METTL2B: variants seen among roughly 807,000 people sequenced by gnomAD.
METTL2B encodes methyltransferase 2B, tRNA N3-cytidine.
METTL2B carries 28 observed loss-of-function variants against 51.0 expected under a neutral mutation model. The ratio of observed to expected loss-of-function variants is 0.55; its 90% confidence interval spans 0.41 to 0.75. The LOEUF (loss-of-function observed/expected upper bound fraction) is 0.75. Ranked by LOEUF, METTL2B falls within the 30% of genes least tolerant of loss-of-function variation. The probability of loss-of-function intolerance (pLI) is 0.00; values close to 1 mark genes in which losing one functional copy is unlikely to be tolerated. For synonymous variants in METTL2B, 128 were observed against 166.3 expected (o/e 0.77, Z 1.77); for missense variants, 313 against 460.7 (o/e 0.68, Z 2.93).
intron 7 of METTL2B, among the ~76,000 whole-genome samples, chr7:128,499,262 G>A (rs982341938): frequency 1.3e-5 from 2 of 152,096 alleles, no homozygotes; most frequent in African/African-American, 4.8e-5. Context: ...AACACTTCAA[G>A]GAAATAAAAA....
intron 7 of METTL2B, among the ~76,000 whole-genome samples, chr7:128,500,141 G>A (rs565974629): frequency 5.3e-4 from 81 of 152,298 alleles, no homozygotes; most frequent in South Asian, 1.7e-3. Flanking sequence ...TATGTGCCAG[G>A]CTGGTAAACT....
At chr7:128,484,224 T>TC (rs1792645228) in intron 4 of METTL2B, 1 of 83,388 alleles carries the variant, frequency 1.2e-5, no homozygotes, top group Non-Finnish European at 2.4e-5. Flanking sequence ...ATCCTTTTTT[T>TC]TTTTTTTTTT....
intron 1 of METTL2B, 60 bp from the exon 2 acceptor site, chr7:128,477,022 G>T: frequency 6.4e-7 from 1 of 1,570,474 alleles, no homozygotes; most frequent in Non-Finnish European, 8.7e-7. Flanking sequence ...CTAGGCCAGC[G>T]ACTCACCCTG....
Position 128,502,156 on chromosome 7 carries a change from G to A in METTL2B, c.*240G>A. The A allele has an allele frequency of 2.1e-6, 1 of 485,918 alleles. No homozygotes were observed. The highest frequency in any genetic ancestry group is 3.5e-6 in the Non-Finnish European group (1 of 286,646). 30.1% of individuals were successfully genotyped at this position (485,918 alleles called of 1,614,324 possible). On this transcript the variant is annotated 3_prime_UTR_variant, in exon 9 of 9. Transcript: ENST00000262432. Reference sequence around the variant, plus strand: ...GTCTCGTTGATGCTGGACAATTCAAGAATTCAGACTTGAACCTTAAACCTA... The same window carrying A: ...GTCTCGTTGATGCTGGACAATTCAAAAATTCAGACTTGAACCTTAAACCTA...
chr7:128,500,191 T>C (rs1209039758), intron 7 of METTL2B, among the ~76,000 whole-genome samples: 1 of 152,184 alleles, frequency 6.6e-6, no homozygotes, highest in Non-Finnish European at 1.5e-5. Flanking sequence ...AGGGAAAGCA[T>C]GTTCATGATC....
intron 4 of METTL2B, among the ~76,000 whole-genome samples, chr7:128,486,313 A>G (rs986039056): frequency 1.3e-5 from 2 of 151,680 alleles, no homozygotes; most frequent in African/African-American, 4.8e-5. Flanking sequence ...AGAAAAGCAC[A>G]AAGAGGCCAG....
Position 128,504,670 on chromosome 7 carries a change from T to TA in METTL2B, c.*2760dup, listed in dbSNP as rs1368327524. 5 of 147,932 alleles carry TA rather than the reference T, an allele frequency of 3.4e-5. No individual in the cohort carries two copies. Among genetic ancestry groups the TA allele is most frequent in the African/African-American group, 4.9e-5 (2 of 40,666 alleles). The allele number at this position is 147,932 out of a possible 1,614,324, so 9.2% of individuals were successfully genotyped here. A position where few individuals can be genotyped will look rare whatever the true frequency, so the allele number is the denominator to read the frequency against. On this transcript the variant is annotated 3_prime_UTR_variant, in exon 9 of 9. Transcript: ENST00000262432. ...ACGCCCGGCCAAGACCCTGACTTTT[T>TA]AAAAAATGTTAAACATAGGCCGGGT...
intron 5 of METTL2B, among the ~76,000 whole-genome samples, chr7:128,489,280 C>T (rs1419643625): frequency 6.6e-6 from 1 of 151,844 alleles, no homozygotes; most frequent in East Asian, 1.9e-4. Context: ...AAGAAAAATA[C>T]AAGAAATTAT....
rs1392422700 is a variant in METTL2B at position 128,500,972 on chromosome 7, T to G, written c.982+4T>G. The G allele has an allele frequency of 1.2e-6, 2 of 1,614,120 alleles. No individual in the cohort carries two copies. The highest frequency in any genetic ancestry group is 2.2e-5 in the South Asian group (2 of 91,070). ...AGAGTTTACTTCTTCACACAAGGTA[T>G]GAAACACTCATCTTTTTACGCTAAA... On this transcript the variant is annotated splice_donor_region_variant and intron_variant, in intron 8 of 8. Coordinates refer to ENST00000262432, the MANE Select transcript of METTL2B (RefSeq NM_018396.3).
At position 128,494,046 on chromosome 7, in the gene METTL2B, G is replaced by A. The variant is rs1792882629; in HGVS notation, c.809+103G>A. 47 of 1,400,702 alleles carry A rather than the reference G, an allele frequency of 3.4e-5. 1 individual carries two copies. The South Asian group carries it at 6.4e-4, about 19-fold the overall frequency. 86.8% of individuals were successfully genotyped at this position (1,400,702 alleles called of 1,614,324 possible). A position where few individuals can be genotyped will look rare whatever the true frequency, so the allele number is the denominator to read the frequency against. On this transcript the variant is annotated intron_variant, in intron 6 of 8. Coordinates refer to ENST00000262432, the MANE Select transcript of METTL2B (RefSeq NM_018396.3). The stretch of plus-strand genomic sequence containing the variant: ...TTGCTCCGTCAGCCCAGGCTGGAGT[G>A]CAGTGGCACGATCATGGCTCACTGC...
In METTL2B at chr7:128,476,894, C is replaced by T. The variant is rs759206118; in HGVS notation, c.110+19C>T. On this transcript the variant is annotated intron_variant, in intron 1 of 8. Transcript: ENST00000262432. ...ATGCCTGGTAATCACCCTGCCCCCT[C>T]GCCCGGCCTGTCGCTGGCCGTCTGT... 9.3e-6 allele frequency: 15 copies of T among 1,613,290 alleles called. No individual in the cohort carries two copies. Among genetic ancestry groups the T allele is most frequent in the Admixed American group, 1.7e-5 (1 of 59,930 alleles).
chr7:128,496,896 T>A (rs1303627437), intron 6 of METTL2B, among the ~76,000 whole-genome samples: 1 of 152,158 alleles, frequency 6.6e-6, no homozygotes, highest in East Asian at 1.9e-4. Flanking sequence ...TTCTCCTGCC[T>A]CAGCATCCCA....
intron 5 of METTL2B, among the ~76,000 whole-genome samples, chr7:128,493,198 G>T (rs1792865869): frequency 6.6e-6 from 1 of 151,440 alleles, no homozygotes; most frequent in Admixed American, 6.6e-5. Context: ...TGTCGTTTTT[G>T]CCATTACTTT....
rs3887310 is a variant in METTL2B at position 128,495,474 on chromosome 7, G to C, written c.809+1531G>C. ...TCTTTTTTTTATTTTTTTCTGAGAT[G>C]GAGTCTCACTCTGTTGCCCAGGCTG... On this transcript the variant is annotated intron_variant, in intron 6 of 8. Transcript: ENST00000262432. Among the ~76,000 whole-genome samples, 643 of 151,804 alleles carry C rather than the reference G, an allele frequency of 4.2e-3. 23 individuals carry two copies. The East Asian group carries it at 0.09, about 21-fold the overall frequency.
intron 6 of METTL2B, among the ~76,000 whole-genome samples, chr7:128,495,657 T>C (rs534986052): frequency 1.3e-5 from 2 of 152,270 alleles, no homozygotes; most frequent in East Asian, 3.9e-4. Context: ...TTCACCATGT[T>C]GGCCAGGCTG....
chr7:128,502,116 AAG>A lies in METTL2B; in HGVS notation c.*202_*203del. ...AATCTGAAAGTAATGATAAAATAAA[AAG>A]AATATAAATGAGGTCTCGTTGATGC... is the stretch of plus-strand genomic sequence containing the variant. On this transcript the variant is annotated 3_prime_UTR_variant, in exon 9 of 9. Transcript: ENST00000262432. The A allele has an allele frequency of 1.5e-6, 1 of 649,844 alleles. No homozygotes were observed. The highest frequency in any genetic ancestry group is 2.4e-6 in the Non-Finnish European group (1 of 410,528). The allele number at this position is 649,844 out of a possible 1,614,324, so 40.3% of individuals were successfully genotyped here. A position where few individuals can be genotyped will look rare whatever the true frequency, so the allele number is the denominator to read the frequency against.
rs1461057377 is a variant in METTL2B at position 128,501,784 on chromosome 7, C to A, written c.1005C>A (p.Thr335=). 6.2e-7 allele frequency: 1 copy of A among 1,614,070 alleles called. No homozygotes were observed. The highest frequency in any genetic ancestry group is 1.6e-4 in the Middle Eastern group (1 of 6,062). Residue 335 remains threonine (T), a synonymous_variant, in exon 9 of 9, where the codon ACC becomes ACA. Coordinates refer to ENST00000262432, the MANE Select transcript of METTL2B (RefSeq NM_018396.3). ...FTQEELDTLF[T]TAGLEKVQNL... is the part of the protein sequence containing the mutation. Reference sequence around the variant, plus strand: ...TAGAGGAACTGGACACGCTTTTCACCACTGCTGGACTGGAAAAAGTTCAGA... The same window carrying A: ...TAGAGGAACTGGACACGCTTTTCACAACTGCTGGACTGGAAAAAGTTCAGA...
intron 2 of METTL2B, 84 bp from the exon 3 acceptor site, chr7:128,479,073 AT>A: frequency 7.3e-7 from 1 of 1,369,192 alleles, no homozygotes; most frequent in Non-Finnish European, 9.9e-7. Context: ...TTAAAGTGAC[AT>A]TTGGTAAAGC....
At position 128,476,786 on chromosome 7, in the gene METTL2B, A is replaced by C; in HGVS notation, c.21A>C (p.Glu7Asp). 1 of 1,614,136 alleles carries C rather than the reference A, an allele frequency of 6.2e-7. No individual in the cohort carries two copies. Among genetic ancestry groups the C allele is most frequent in the Non-Finnish European group, 8.5e-7 (1 of 1,180,008 alleles). The change falls in exon 1 of 9, where the codon GAA becomes GAC. Residue 7 changes from glutamate to aspartate, a missense_variant. By Grantham distance (45) the Glu-to-Asp change is conservative. Around this residue, in one of 4 missense-constraint regions of METTL2B, gnomAD observed 66 missense variants for 58.2 expected, o/e 1.13. Coordinates refer to ENST00000262432, the MANE Select transcript of METTL2B (RefSeq NM_018396.3). MAGSYP[E>D]GAPAILADKR... ...GTGTCATGGCCGGCTCCTACCCTGAAGGTGCACCTGCAATCCTCGCCGATA... is the reference window on the plus strand; with the variant it reads ...GTGTCATGGCCGGCTCCTACCCTGACGGTGCACCTGCAATCCTCGCCGATA...
Sources: gnomAD v4.1 joint callset for allele counts (sites outside exome capture counted in the v4.1 genomes callset) on GRCh38, gnomAD v4.1.1 for gene constraint, gnomAD v4.1.1 regional missense constraint, MANE v1.5 for transcripts, NCBI Gene and HGNC (gene_info 2026-07-23, HGNC 2026-07-21) for gene names.